The following PLEKHA6 variants were observed in gnomAD, a reference collection of about 807,000 sequenced individuals.
The protein encoded by PLEKHA6 is pleckstrin homology domain containing A6.
PLEKHA6 carries 60 observed loss-of-function variants against 116.7 expected under a neutral mutation model. The observed-to-expected ratio is 0.51, with a 90% CI of 0.42 to 0.64. PLEKHA6 has a LOEUF of 0.64. Among genes scored for constraint, PLEKHA6 ranks in the 30% least tolerant of loss-of-function variants. PLEKHA6 has a pLI of 0.00. For synonymous variants in PLEKHA6, 489 were observed against 556.1 expected (o/e 0.88, Z 1.70); for missense variants, 1,338 against 1,422.7 (o/e 0.94, Z 0.96).
At chr1:204,274,897 G>A in intron 1 of PLEKHA6, 88 bp from the exon 2 acceptor site, 1 of 985,216 alleles carries the variant, frequency 1.0e-6, no homozygotes, top group Non-Finnish European at 1.2e-6. Flanking sequence ...GGTGGTGACA[G>A]GGACAGGTGA....
At position 204,247,346 on chromosome 1, in the gene PLEKHA6, C is replaced by T. The variant is rs746241064; in HGVS notation, c.1920+19G>A. 3 of 1,530,768 alleles carry T rather than the reference C, an allele frequency of 2.0e-6. No individual in the cohort carries two copies. Among genetic ancestry groups the T allele is most frequent in the South Asian group, 1.1e-5 (1 of 89,414 alleles). The allele number at this position is 1,530,768 out of a possible 1,614,324, so 94.8% of individuals were successfully genotyped here. A position where few individuals can be genotyped will look rare whatever the true frequency, so the allele number is the denominator to read the frequency against. On this transcript the variant is annotated intron_variant, in intron 13 of 22. Coordinates refer to ENST00000272203, the MANE Select transcript of PLEKHA6 (RefSeq NM_014935.5). ...TTAGTCACATCCCAATCCCCGCCAG[C>T]TCAGGGGCCCTTCTTCACCTGGGTG...
At chr1:204,254,167 C>T (rs10900569) in intron 9 of PLEKHA6, among the ~76,000 whole-genome samples, 76,880 of 152,168 alleles carry the variant, frequency 0.51, 20,692 homozygotes, top group East Asian at 0.82. Flanking sequence ...GATCCTGGAC[C>T]TCCCGGCCCT....
chr1:204,354,521 A>G (rs562640669), intron 1 of PLEKHA6, among the ~76,000 whole-genome samples: 56 of 152,344 alleles, frequency 3.7e-4, no homozygotes, highest in African/African-American at 1.3e-3. Flanking sequence ...CATTTGTGTG[A>G]TTATTCTCAG....
Position 204,260,498 on chromosome 1 carries a change from T to A in PLEKHA6, c.525-758A>T, listed in dbSNP as rs59641135. 5.1e-3 allele frequency among the ~76,000 whole-genome samples: 771 copies of A among 152,320 alleles called. 2 individuals are homozygous for A. The highest frequency in any genetic ancestry group is 0.014 in the Middle Eastern group (4 of 294). On this transcript the variant is annotated intron_variant, in intron 7 of 22. Transcript: ENST00000272203. ...TGCACATTTATATTTACAGTAAGTA[T>A]TTGTGAAATGAATGAATGAACTCTT...
rs371622033 is a variant in PLEKHA6, at chr1:204,228,949, G to T, written c.2739C>A (p.Asp913Glu). 10 of 1,614,102 alleles carry T rather than the reference G, an allele frequency of 6.2e-6. No individual in the cohort carries two copies. The highest frequency in any genetic ancestry group is 8.5e-6 in the Non-Finnish European group (10 of 1,180,010). ...MELEPQHYDV[D>E]INKELSTPDK... The stretch of plus-strand genomic sequence containing the variant: ...TGGCTCCACTCACCTCCTTATTGAT[G>T]TCCACGTCATAATGCTGGGGCTCTA... Residue 913 changes from aspartate (D) to glutamate (E), a missense_variant, in exon 19 of 23, where the codon GAC becomes GAA. By Grantham distance (45) the Asp-to-Glu change is conservative. This residue lies in a region of PLEKHA6 where 1,136 missense variants were observed against 1,163.6 expected (regional missense o/e 0.98). Coordinates refer to ENST00000272203, the MANE Select transcript of PLEKHA6 (RefSeq NM_014935.5). This position sits in a 1 kb window ranked among gnomAD's most constrained non-coding sequence, Gnocchi z 4.0.
chr1:204,251,273 G>A (rs1331278689), intron 9 of PLEKHA6, among the ~76,000 whole-genome samples: 2 of 152,232 alleles, frequency 1.3e-5, no homozygotes, highest in Non-Finnish European at 2.9e-5. Flanking sequence ...TTCAAGAGCA[G>A]AGTTGCGATC....
chr1:204,265,793 T>C (rs1192711089), intron 5 of PLEKHA6, among the ~76,000 whole-genome samples: 1 of 149,406 alleles, frequency 6.7e-6, no homozygotes, highest in Admixed American at 6.6e-5. Context: ...GGAAAAGGAG[T>C]GCTCCCTGCA....
chr1:204,307,266 G>A (rs1293166659), intron 1 of PLEKHA6: 2 of 152,114 alleles, frequency 1.3e-5, no homozygotes, highest in African/African-American at 4.8e-5. Flanking sequence ...TTTTCTCCCG[G>A]GTCCTCTCCA....
Position 204,327,521 on chromosome 1 carries a change from G to A in PLEKHA6, c.-95+32173C>T, listed in dbSNP as rs558792588. 3.9e-5 allele frequency among the ~76,000 whole-genome samples: 6 copies of A among 152,262 alleles called. No homozygotes were observed. In the South Asian group the frequency reaches 6.2e-4, roughly 16 times the overall value. On this transcript the variant is annotated intron_variant, in intron 1 of 22. Coordinates refer to ENST00000272203, the MANE Select transcript of PLEKHA6 (RefSeq NM_014935.5). Reference sequence around the variant, plus strand: ...CTGGCCCGCTGAGGCCCAGGAGAGCGCTGAGAGCCCCGTCGTTGATTGGCA... The same window carrying A: ...CTGGCCCGCTGAGGCCCAGGAGAGCACTGAGAGCCCCGTCGTTGATTGGCA...
At chr1:204,275,772 T>C in intron 1 of PLEKHA6, 1 of 937,736 alleles carries the variant, frequency 1.1e-6, no homozygotes, top group Non-Finnish European at 1.3e-6. Context: ...TTGGCAAGAA[T>C]GTAGCAGTGG....
At chr1:204,274,895 C>A (rs1667846658) in intron 1 of PLEKHA6, 86 bp from the exon 2 acceptor site, 1 of 978,634 alleles carries the variant, frequency 1.0e-6, no homozygotes, top group African/African-American at 1.8e-5. Context: ...TGGGTGGTGA[C>A]AGGGACAGGT....
rs114256549 is a variant in PLEKHA6, at chr1:204,294,075, A to C, written c.-94-19266T>G. The stretch of plus-strand genomic sequence containing the variant: ...AATGTCCTTGTTTTTAAAAGGAAAA[A>C]GAGAAGATGAAGAAAGAGTGGCCAG... On this transcript the variant is annotated intron_variant, in intron 1 of 22. Coordinates refer to ENST00000272203, the MANE Select transcript of PLEKHA6 (RefSeq NM_014935.5). Among the ~76,000 whole-genome samples the C allele has an allele frequency of 2.6e-3, 394 of 152,332 alleles. 1 individual carries two copies. The highest frequency in any genetic ancestry group is 9.0e-3 in the African/African-American group (374 of 41,556).
Position 204,245,021 on chromosome 1 carries a change from G to T in PLEKHA6, c.2033-18C>A. ...AAGTCCTCCTTGGGGGAAACAAGGG[G>T]ATGGGTGAGCAATGGAGGAGGGGTG... is the stretch of plus-strand genomic sequence containing the variant. On this transcript the variant is annotated intron_variant, in intron 14 of 22. Transcript: ENST00000272203. 1 of 1,405,530 alleles carries T rather than the reference G, an allele frequency of 7.1e-7. No individual in the cohort carries two copies. Among genetic ancestry groups the T allele is most frequent in the Non-Finnish European group, 9.3e-7 (1 of 1,076,348 alleles). 87.1% of individuals were successfully genotyped at this position (1,405,530 alleles called of 1,614,324 possible).
At chr1:204,318,810 A>C (rs544130321) in intron 1 of PLEKHA6, among the ~76,000 whole-genome samples, 99 of 152,318 alleles carry the variant, frequency 6.5e-4, no homozygotes, top group Non-Finnish European at 1.2e-3. Context: ...TTATTCTGGA[A>C]GACTCGGGTT....
rs187771568 is a variant in PLEKHA6, at chr1:204,277,746, G to A, written c.-94-2937C>T. On this transcript the variant is annotated intron_variant, in intron 1 of 22. Transcript: ENST00000272203. The surrounding 1 kb of genome is among the most constrained non-coding windows in gnomAD (Gnocchi z 4.1). ...AGCCTGCCCAGCCTTCTTCTGTGTG[G>A]ACAGGAGCATAATGAATGAAGGTCC... The A allele has an allele frequency of 1.3e-5, 2 of 152,332 alleles. No homozygotes were observed. Among genetic ancestry groups the A allele is most frequent in the Admixed American group, 6.5e-5 (1 of 15,296 alleles). 9.4% of individuals were successfully genotyped at this position (152,332 alleles called of 1,614,324 possible).
At position 204,245,741 on chromosome 1, in the gene PLEKHA6, C is replaced by T; in HGVS notation, c.1921-15G>A. On this transcript the variant is annotated splice_polypyrimidine_tract_variant and intron_variant, in intron 13 of 22. Coordinates refer to ENST00000272203, the MANE Select transcript of PLEKHA6 (RefSeq NM_014935.5). ...AGCACCTCATTCTGAAGCAGCCACA[C>T]AGTGAGTCAAAGGAAATGGCCATGA... 3.2e-6 allele frequency: 5 copies of T among 1,570,280 alleles called. No individual in the cohort carries two copies. Among genetic ancestry groups the T allele is most frequent in the Non-Finnish European group, 4.4e-6 (5 of 1,142,138 alleles).
intron 1 of PLEKHA6, among the ~76,000 whole-genome samples, chr1:204,283,167 C>T (rs1025495867): frequency 7.9e-5 from 12 of 152,118 alleles, no homozygotes; most frequent in Non-Finnish European, 1.5e-4. Flanking sequence ...TGGTGTCCTA[C>T]GGAGAGCAGC....
In PLEKHA6 at chr1:204,259,945, C is replaced by T. The variant is rs1665895449; in HGVS notation, c.525-205G>A. 6.6e-6 allele frequency among the ~76,000 whole-genome samples: 1 copy of T among 152,122 alleles called. No individual in the cohort carries two copies. The highest frequency in any genetic ancestry group is 2.1e-4 in the South Asian group (1 of 4,818). The stretch of plus-strand genomic sequence containing the variant: ...CTGGGAAATTATTATACAACCTAAT[C>T]CGCCCCTGCCCACACCTGCTGTGTT... On this transcript the variant is annotated intron_variant, in intron 7 of 22. Coordinates refer to ENST00000272203, the MANE Select transcript of PLEKHA6 (RefSeq NM_014935.5). The surrounding 1 kb of genome is among the most constrained non-coding windows in gnomAD (Gnocchi z 4.6).
At chr1:204,283,109 G>A (rs1387906440) in intron 1 of PLEKHA6, among the ~76,000 whole-genome samples, 1 of 152,192 alleles carries the variant, frequency 6.6e-6, no homozygotes, top group Non-Finnish European at 1.5e-5. Context: ...GTCTATGGAA[G>A]GTCATTGAAA....
Sources: gnomAD v4.1 joint callset for allele counts (sites outside exome capture counted in the v4.1 genomes callset) on GRCh38, gnomAD v4.1.1 for gene constraint, gnomAD v4.1.1 regional missense constraint, Gnocchi (gnomAD v3.1) non-coding constraint, MANE v1.5 for transcripts, NCBI Gene and HGNC (gene_info 2026-07-23, HGNC 2026-07-21) for gene names.